Variants in MYPN observed in about 807,000 individuals in gnomAD.
MYPN encodes the protein myopalladin, also known as sarcomeric protein myopalladin, 145 kDa (MYOP).
MYPN carries 63 observed loss-of-function variants against 129.4 expected under a neutral mutation model. The observed-to-expected ratio is 0.49, with a 90% confidence interval of 0.40 to 0.60. The LOEUF is 0.60. Ranked by LOEUF, MYPN falls within the 20% of genes least tolerant of loss-of-function variation. The pLI is 0.00. For missense variants in MYPN, 1,596 were observed against 1,635.4 expected, an observed-to-expected ratio of 0.98 and a Z score of 0.42; for synonymous variants, 629 against 600.9, an observed-to-expected ratio of 1.05 and a Z score of -0.68.
Position 68,210,809 on chromosome 10 carries a change from T to C in MYPN, c.*354T>C, listed in dbSNP as rs1160938062. 6.4e-6 allele frequency: 3 copies of C among 466,754 alleles called. No individual in the cohort carries two copies. Among genetic ancestry groups the C allele is most frequent in the Non-Finnish European group, 1.3e-5 (3 of 235,342 alleles). 28.9% of individuals were successfully genotyped at this position (466,754 alleles called of 1,614,324 possible). On this transcript the variant is annotated 3_prime_UTR_variant, in exon 20 of 20. Transcript: ENST00000358913. ...TAGGAGCAATTAGGAGCCATATGCC[T>C]GGGCTGAGAAGAGCTAGGCAGTAGT...
At chr10:68,205,173 C>T (rs1459908859) in intron 18 of MYPN, among the ~76,000 whole-genome samples, 1 of 152,100 alleles carries the variant, frequency 6.6e-6, no homozygotes, top group African/African-American at 2.4e-5. Context: ...TGAGCCTAAC[C>T]TCACATATGC....
intron 10 of MYPN, among the ~76,000 whole-genome samples, chr10:68,173,511 C>G (rs939315592): frequency 1.3e-5 from 2 of 152,182 alleles, no homozygotes; most frequent in Non-Finnish European, 2.9e-5. Flanking sequence ...GACAAACTCA[C>G]CAATTATTGA....
At position 68,201,830 on chromosome 10, in the gene MYPN, C is replaced by T; in HGVS notation, c.3495C>T (p.Ala1165=). The change falls in exon 18 of 20, where the codon GCC becomes GCT. Residue 1165 remains alanine, a splice_region_variant and synonymous_variant. Coordinates refer to ENST00000358913, the MANE Select transcript of MYPN (RefSeq NM_032578.4). The part of the protein sequence containing the change: ...NSFSLELSVV[A]KEVKKAPVIL... ...AAGAATGACCCTTCTCTTGCTCAGCCAAAGAGGTGAAGAAAGCACCTGTGA... is the reference window on the plus strand; with the variant it reads ...AAGAATGACCCTTCTCTTGCTCAGCTAAAGAGGTGAAGAAAGCACCTGTGA... 6.2e-7 allele frequency: 1 copy of T among 1,613,858 alleles called. No individual in the cohort carries two copies. Among genetic ancestry groups the T allele is most frequent in the Non-Finnish European group, 8.5e-7 (1 of 1,179,936 alleles).
chr10:68,175,583 G>C (rs1313246832), intron 12 of MYPN, 122 bp downstream of exon 12: 1 of 1,077,420 alleles, frequency 9.3e-7, no homozygotes, highest in Non-Finnish European at 1.4e-6. Flanking sequence ...TCAGATGGTA[G>C]AGCACAGACT....
chr10:68,161,266 C>T (rs932848349), intron 7 of MYPN, among the ~76,000 whole-genome samples: 4 of 152,092 alleles, frequency 2.6e-5, no homozygotes, highest in Non-Finnish European at 4.4e-5. Flanking sequence ...GAGGCTAAGG[C>T]GGGCAGATTA....
chr10:68,185,831 G>GA (rs141573040), intron 12 of MYPN, among the ~76,000 whole-genome samples: 19,190 of 151,606 alleles, frequency 0.13, 1,588 homozygotes, highest in Middle Eastern at 0.2. Flanking sequence ...ATCCAACAAA[G>GA]AAAAAAAATA....
Position 68,180,121 on chromosome 10 carries a change from T to TA in MYPN, c.2703+4661dup, listed in dbSNP as rs533374925. 8.5e-4 allele frequency among the ~76,000 whole-genome samples: 130 copies of TA among 152,306 alleles called. 1 individual carries two copies. The highest frequency in any genetic ancestry group is 2.7e-3 in the African/African-American group (114 of 41,562). Reference sequence around the variant, plus strand: ...ATTTGGCAGCAGAGACAGGGTAGGCTATGATAACTAGTTATTTCTACTGAA... The same window carrying TA: ...ATTTGGCAGCAGAGACAGGGTAGGCTAATGATAACTAGTTATTTCTACTGAA... On this transcript the variant is annotated intron_variant, in intron 12 of 19. Transcript: ENST00000358913.
intron 2 of MYPN, chr10:68,136,574 G>A (rs1017526890): frequency 2.7e-5 from 40 of 1,483,360 alleles, no homozygotes; most frequent in Non-Finnish European, 3.5e-5. Flanking sequence ...TAAAGTCAGA[G>A]TGACGGTTAC....
At chr10:68,182,452 CATATATATATAACATATAT>C (rs1217664697) in intron 12 of MYPN, among the ~76,000 whole-genome samples, 22 of 116,208 alleles carry the variant, frequency 1.9e-4, no homozygotes, top group Middle Eastern at 4.0e-3. Flanking sequence ...ATATATATAA[CATATATATATAACATATAT>C]ACACACACAC....
chr10:68,135,471 T>A (rs1244058347), intron 2 of MYPN: 1 of 983,488 alleles, frequency 1.0e-6, no homozygotes, highest in African/African-American at 1.7e-5. Flanking sequence ...GCACTCTGTA[T>A]ATGAAGAAGA....
chr10:68,109,470 A>G (rs1589517593), upstream of MYPN: 1 of 454,034 alleles, frequency 2.2e-6, no homozygotes, highest in South Asian at 1.6e-5. Flanking sequence ...ATACAGCTCA[A>G]AATAACTTGG....
upstream of MYPN, among the ~76,000 whole-genome samples, chr10:68,107,662 T>C: frequency 6.6e-6 from 1 of 152,162 alleles, no homozygotes; most frequent in Non-Finnish European, 1.5e-5. Flanking sequence ...GCTTCTTTTT[T>C]CTGTAACTCT....
intron 10 of MYPN, 112 bp downstream of exon 10, chr10:68,166,778 G>T: frequency 6.9e-7 from 1 of 1,444,652 alleles, no homozygotes; most frequent in Non-Finnish European, 9.5e-7. Context: ...CCTGTAATCC[G>T]AGCACTTTGG....
intron 12 of MYPN, among the ~76,000 whole-genome samples, chr10:68,177,009 T>C (rs192522454): frequency 3.9e-4 from 60 of 152,350 alleles, no homozygotes; most frequent in African/African-American, 1.4e-3. Context: ...AGCCTATGTC[T>C]TTTACAACTC....
upstream of MYPN, chr10:68,109,223 G>C (rs780639765): frequency 5.5e-6 from 1 of 182,078 alleles, no homozygotes; most frequent in Non-Finnish European, 1.2e-5. Context: ...AAAATGAAGA[G>C]TTTTCATACA....
intron 2 of MYPN, 27 bp from the exon 3 acceptor site, chr10:68,142,913 C>T: frequency 3.7e-6 from 6 of 1,610,822 alleles, no homozygotes; most frequent in Non-Finnish European, 5.1e-6. Context: ...TGAGTCATGT[C>T]CAATGACCAT....
chr10:68,146,543 G>A (rs989509081), intron 4 of MYPN, among the ~76,000 whole-genome samples: 4 of 152,106 alleles, frequency 2.6e-5, no homozygotes, highest in South Asian at 2.1e-4. Flanking sequence ...TTTAGCCTCC[G>A]TTGTGTATCA....
intron 18 of MYPN, 141 bp downstream of exon 18, chr10:68,202,135 T>C: frequency 8.9e-7 from 1 of 1,122,168 alleles, no homozygotes; most frequent in Admixed American, 1.9e-5. Context: ...ATTGTGTGTA[T>C]TAAGAATGTA....
Position 68,174,671 on chromosome 10 carries a change from G to T in MYPN, c.2564+15G>T. 1 of 1,611,482 alleles carries T rather than the reference G, an allele frequency of 6.2e-7. No individual in the cohort carries two copies. Among genetic ancestry groups the T allele is most frequent in the African/African-American group, 1.3e-5 (1 of 74,968 alleles). ...GCACCATCCATGTAAGTGTCATTGA[G>T]GTTTCTTGATGTAAGATGCTAGTTA... On this transcript the variant is annotated intron_variant, in intron 11 of 19. Transcript: ENST00000358913.
Sources: gnomAD v4.1 joint callset for allele counts (sites outside exome capture counted in the v4.1 genomes callset) on GRCh38, gnomAD v4.1.1 for gene constraint, MANE v1.5 for transcripts, NCBI Gene and HGNC (gene_info 2026-07-23, HGNC 2026-07-21) for gene names.